The following LMAN2 variants were observed in gnomAD, a reference collection of about 807,000 sequenced individuals.
LMAN2 encodes lectin, mannose binding 2, also known as vesicular integral-membrane protein VIP36.
In LMAN2, 22 loss-of-function variants were observed where a neutral mutation model predicts 39.3. That is an observed-to-expected ratio of 0.56 (90% confidence interval 0.40 to 0.80). The LOEUF is 0.80. Among genes scored for constraint, LMAN2 ranks in the 30% least tolerant of loss-of-function variants. The probability of loss-of-function intolerance (pLI) is 0.00; values close to 1 mark genes in which losing one functional copy is unlikely to be tolerated. For missense variants in LMAN2, 494 were observed against 505.4 expected, an observed-to-expected ratio of 0.98 and a Z score of 0.22; for synonymous variants, 207 against 207.8, an observed-to-expected ratio of 1.00 and a Z score of 0.03.
chr5:177,338,972 G>T (rs1481165029), intron 2 of LMAN2, among the ~76,000 whole-genome samples: 1 of 152,224 alleles, frequency 6.6e-6, no homozygotes, highest in Non-Finnish European at 1.5e-5. Flanking sequence ...TCTTGCCCTG[G>T]AACCTTCTGC....
Position 177,338,484 on chromosome 5 carries a change from C to T in LMAN2, c.433+4G>A, listed in dbSNP as rs1172418327. ...AGGGCCCAGCTGAGCGAACACCAGC[C>T]CACCTGGCACGAGGCGGTCCCGGGT... On this transcript the variant is annotated splice_donor_region_variant and intron_variant, in intron 3 of 7. Coordinates refer to ENST00000303127, the MANE Select transcript of LMAN2 (RefSeq NM_006816.3). The T allele has an allele frequency of 1.2e-6, 2 of 1,611,420 alleles. No individual in the cohort carries two copies. The highest frequency in any genetic ancestry group is 1.7e-6 in the Non-Finnish European group (2 of 1,177,794).
chr5:177,342,261 C>T (rs1043729123), intron 2 of LMAN2, among the ~76,000 whole-genome samples: 1 of 151,956 alleles, frequency 6.6e-6, no homozygotes, highest in Non-Finnish European at 1.5e-5. Context: ...GTCCCAGCAC[C>T]TTGGGAGGCC....
chr5:177,334,093 A>G (rs1156962376), intron 7 of LMAN2, among the ~76,000 whole-genome samples, 191 bp downstream of exon 7: 1 of 152,220 alleles, frequency 6.6e-6, no homozygotes, highest in Non-Finnish European at 1.5e-5. Flanking sequence ...CAGAGCTGAC[A>G]CGATCCAAGC....
intron 6 of LMAN2, among the ~76,000 whole-genome samples, chr5:177,336,501 C>T (rs1761472908): frequency 6.6e-6 from 1 of 152,196 alleles, no homozygotes; most frequent in Non-Finnish European, 1.5e-5. Flanking sequence ...CTGTGAGAGA[C>T]ACTGGTGGCC....
rs1761471455 is a variant in LMAN2, at chr5:177,336,423, T to C, written c.790+713A>G. Among the ~76,000 whole-genome samples the C allele has an allele frequency of 2.0e-5, 3 of 152,206 alleles. No homozygotes were observed. In the South Asian group the frequency reaches 6.2e-4, roughly 32 times the overall value. On this transcript the variant is annotated intron_variant, in intron 6 of 7. Coordinates refer to ENST00000303127, the MANE Select transcript of LMAN2 (RefSeq NM_006816.3). ...GGCTGAAGGCGATTACTGAAGGCGA[T>C]TACACGGCTGCTGTGCTCACGAGAG...
chr5:177,334,829 TG>T (rs1275175208), intron 6 of LMAN2, among the ~76,000 whole-genome samples: 61 of 152,182 alleles, frequency 4.0e-4, no homozygotes, highest in East Asian at 3.8e-4. Context: ...AGTCGCTGTG[TG>T]ACTGGCTGAG....
At position 177,337,103 on chromosome 5, in the gene LMAN2, G is replaced by T; in HGVS notation, c.790+33C>A. On this transcript the variant is annotated intron_variant, in intron 6 of 7. Coordinates refer to ENST00000303127, the MANE Select transcript of LMAN2 (RefSeq NM_006816.3). The surrounding 1 kb of genome is among the most constrained non-coding windows in gnomAD (Gnocchi z 8.2). The stretch of plus-strand genomic sequence containing the variant: ...CTCCCAGTCCCTCAGGGTGAGCTGG[G>T]CTGGGAACCAACGCCTGGCCCGGCC... 2 of 1,523,170 alleles carry T rather than the reference G, an allele frequency of 1.3e-6. No individual in the cohort carries two copies. Among genetic ancestry groups the T allele is most frequent in the Non-Finnish European group, 9.1e-7 (1 of 1,102,710 alleles). The allele number at this position is 1,523,170 out of a possible 1,614,324, so 94.4% of individuals were successfully genotyped here. A position where few individuals can be genotyped will look rare whatever the true frequency, so the allele number is the denominator to read the frequency against.
chr5:177,343,724 G>A (rs768214052), intron 2 of LMAN2, among the ~76,000 whole-genome samples: 2 of 152,224 alleles, frequency 1.3e-5, no homozygotes, highest in African/African-American at 4.8e-5. Flanking sequence ...TCATTTATGT[G>A]AGATGCCTAG....
At chr5:177,334,923 AACC>A (rs1445736875) in intron 6 of LMAN2, among the ~76,000 whole-genome samples, 3 of 152,196 alleles carry the variant, frequency 2.0e-5, no homozygotes, top group East Asian at 3.8e-4. Context: ...ACAACTCGGC[AACC>A]AGCTAAGGGC....
At chr5:177,343,998 C>T (rs1399756793) in intron 2 of LMAN2, among the ~76,000 whole-genome samples, 1 of 151,728 alleles carries the variant, frequency 6.6e-6, no homozygotes, top group African/African-American at 2.4e-5. Flanking sequence ...TTGCTTGAGG[C>T]CAGGAGTTCG....
intron 2 of LMAN2, among the ~76,000 whole-genome samples, chr5:177,344,663 T>C (rs1761608469): frequency 6.6e-6 from 1 of 151,106 alleles, no homozygotes; most frequent in Non-Finnish European, 1.5e-5. Context: ...CCCAGCACTT[T>C]GGGAGGCCGA....
At chr5:177,348,378 C>G (rs1253266939) in intron 2 of LMAN2, among the ~76,000 whole-genome samples, 1 of 152,018 alleles carries the variant, frequency 6.6e-6, no homozygotes, top group African/African-American at 2.4e-5. Context: ...AATGAAAGTA[C>G]AAGTTCAATT....
intron 6 of LMAN2, 127 bp from the exon 7 acceptor site, chr5:177,334,530 G>C: frequency 7.6e-7 from 1 of 1,314,250 alleles, no homozygotes; most frequent in Non-Finnish European, 1.0e-6. Flanking sequence ...GGAGAGCACT[G>C]CCCAGCCGGC....
chr5:177,343,396 G>C (rs1033469375), intron 2 of LMAN2, among the ~76,000 whole-genome samples: 1 of 152,144 alleles, frequency 6.6e-6, no homozygotes, highest in East Asian at 1.9e-4. Flanking sequence ...TAGAATGACC[G>C]TATGATCCAG....
rs1581601781 is a variant in LMAN2, at chr5:177,336,893, C to G, written c.790+243G>C. ...AACACAGCCAGGTGAGCTCAGAAAC[C>G]ACAGGAACTGAGGCCCGGACAGGCC... On this transcript the variant is annotated intron_variant, in intron 6 of 7. Coordinates refer to ENST00000303127, the MANE Select transcript of LMAN2 (RefSeq NM_006816.3). The G allele has an allele frequency of 5.3e-6, 3 of 570,132 alleles. No homozygotes were observed. In the South Asian group the frequency reaches 6.1e-5, roughly 12 times the overall value. The allele number at this position is 570,132 out of a possible 1,614,324, so 35.3% of individuals were successfully genotyped here.
chr5:177,334,386 A>G lies in LMAN2; in HGVS notation c.808T>C (p.Ser270Pro). Residue 270 changes from serine to proline, a missense_variant, in exon 7 of 8, where the codon TCC (serine) becomes CCC (proline). Physicochemically the swap from Ser to Pro is moderately conservative, Grantham distance 74. Coordinates refer to ENST00000303127, the MANE Select transcript of LMAN2 (RefSeq NM_006816.3). ...GDLSDNHDII[S>P]MKLFQLMVEH... ...ACCATCAGCTGGAACAGCTTCATGG[A>G]GATGATGTCATGATTGTCTGCAGGA... 1 of 1,613,368 alleles carries G rather than the reference A, an allele frequency of 6.2e-7. No homozygotes were observed. The highest frequency in any genetic ancestry group is 1.1e-5 in the South Asian group (1 of 91,078).
intron 6 of LMAN2, 112 bp from the exon 7 acceptor site, chr5:177,334,515 C>A: frequency 1.4e-6 from 2 of 1,446,386 alleles, no homozygotes; most frequent in East Asian, 2.4e-5. Context: ...CTGCCAGGCC[C>A]CTGGGGAGAG....
intron 2 of LMAN2, among the ~76,000 whole-genome samples, chr5:177,340,413 T>C (rs773404967): frequency 6.6e-6 from 1 of 152,168 alleles, no homozygotes; most frequent in Non-Finnish European, 1.5e-5. Flanking sequence ...GGGAGAACAG[T>C]ACCCAATAGG....
chr5:177,336,444 G>A (rs73330443), intron 6 of LMAN2, among the ~76,000 whole-genome samples: 3,368 of 152,306 alleles, frequency 0.022, 111 homozygotes, highest in African/African-American at 0.077. Flanking sequence ...CTGTGCTCAC[G>A]AGAGACTGTT....
Sources: allele counts gnomAD v4.1 joint callset (sites outside exome capture counted in the v4.1 genomes callset), GRCh38; gene constraint gnomAD v4.1.1; non-coding constraint Gnocchi (gnomAD v3.1); transcripts MANE v1.5; gene names NCBI Gene and HGNC (gene_info 2026-07-23, HGNC 2026-07-21).